The following OTUD7A variants were observed in gnomAD, a reference collection of about 807,000 sequenced individuals.
OTUD7A encodes the protein OTU deubiquitinase 7A.
A neutral mutation model predicts 65.7 loss-of-function variants in OTUD7A; 12 were observed. That is an observed-to-expected ratio of 0.18 (90% CI 0.12 to 0.30). The LOEUF (loss-of-function observed/expected upper bound fraction) is 0.30, where lower values mean the gene tolerates loss of function less well. Ranked by LOEUF, OTUD7A falls within the 10% of genes least tolerant of loss-of-function variation. The pLI is 1.00. For synonymous variants in OTUD7A, 641 were observed against 586.3 expected, an observed-to-expected ratio of 1.09 and a Z score of -1.35; for missense variants, 1,148 against 1,304.8, an observed-to-expected ratio of 0.88 and a Z score of 1.85.
At chr15:31,664,625 G>T (rs1486561985) in intron 1 of OTUD7A, among the ~76,000 whole-genome samples, 1 of 152,032 alleles carries the variant, frequency 6.6e-6, no homozygotes, top group Non-Finnish European at 1.5e-5. Flanking sequence ...TACTCTGCTG[G>T]CTGTTCCTTT....
At chr15:31,644,206 C>T (rs569762074) in intron 3 of OTUD7A, among the ~76,000 whole-genome samples, 1 of 152,272 alleles carries the variant, frequency 6.6e-6, no homozygotes, top group East Asian at 1.9e-4. Flanking sequence ...AACACCTCAC[C>T]TCCCCACTAG....
chr15:31,616,140 G>A (rs1212209561), intron 3 of OTUD7A, among the ~76,000 whole-genome samples: 1 of 152,240 alleles, frequency 6.6e-6, no homozygotes, highest in Non-Finnish European at 1.5e-5. Context: ...CACAACTCAT[G>A]CAGCACTCCA....
intron 1 of OTUD7A, among the ~76,000 whole-genome samples, chr15:31,718,439 C>A (rs566406934): frequency 6.6e-6 from 1 of 152,062 alleles, no homozygotes; most frequent in Admixed American, 6.5e-5. Context: ...TCTATTCATC[C>A]ATTTCTTTCT....
At chr15:31,787,705 T>C (rs868359396) in intron 1 of OTUD7A, 5 of 152,208 alleles carry the variant, frequency 3.3e-5, no homozygotes, top group South Asian at 2.1e-4. Flanking sequence ...ACCCTTTGAA[T>C]AAAAACAATA....
rs535580531 is a variant in OTUD7A, at chr15:31,804,676, T to C, written c.-100+65831A>G. Among the ~76,000 whole-genome samples, 5 of 152,306 alleles carry C rather than the reference T, an allele frequency of 3.3e-5. No homozygotes were observed. In the South Asian group the frequency reaches 1.0e-3, roughly 32 times the overall value. On this transcript the variant is annotated intron_variant, in intron 1 of 12. Coordinates refer to ENST00000307050, the MANE Select transcript of OTUD7A (RefSeq NM_001382637.1). ...CAGGGATGGCCAATCCCAGCCATGCTAGATGGAACCGAAGAAACTCTCCTT... is the reference window on the plus strand; with the variant it reads ...CAGGGATGGCCAATCCCAGCCATGCCAGATGGAACCGAAGAAACTCTCCTT...
At chr15:31,672,844 T>C (rs1892513614) in intron 1 of OTUD7A, among the ~76,000 whole-genome samples, 1 of 152,234 alleles carries the variant, frequency 6.6e-6, no homozygotes, top group Non-Finnish European at 1.5e-5. Context: ...GAAAAGTCTC[T>C]TTTAAAATTT....
intron 1 of OTUD7A, among the ~76,000 whole-genome samples, chr15:31,830,790 G>C (rs1896911566): frequency 6.6e-6 from 1 of 152,192 alleles, no homozygotes; most frequent in East Asian, 1.9e-4. Context: ...AATTTTCTTA[G>C]TCATCACCAT....
rs370836386 is a variant in OTUD7A at position 31,850,972 on chromosome 15, C to T, written c.-100+19535G>A. ...GCAGAACCAGACAACAGCTCCCACC[C>T]CACCAACACCACTACCACCAAGCTC... On this transcript the variant is annotated intron_variant, in intron 1 of 12. Transcript: ENST00000307050. 8.7e-4 allele frequency among the ~76,000 whole-genome samples: 133 copies of T among 152,244 alleles called. 1 individual carries two copies. Among genetic ancestry groups the T allele is most frequent in the African/African-American group, 3.1e-3 (128 of 41,532 alleles).
intron 1 of OTUD7A, among the ~76,000 whole-genome samples, chr15:31,755,327 G>A (rs1894780981): frequency 6.6e-6 from 1 of 152,158 alleles, no homozygotes; most frequent in African/African-American, 2.4e-5. Flanking sequence ...GAGCTAGAAT[G>A]CTACAGGGTG....
At chr15:31,584,675 G>C (rs748720240) in intron 3 of OTUD7A, among the ~76,000 whole-genome samples, 59 of 152,328 alleles carry the variant, frequency 3.9e-4, no homozygotes, top group Non-Finnish European at 7.8e-4. Context: ...AAGTACATAG[G>C]AACATGTCAC....
Position 31,570,123 on chromosome 15 carries a change from G to T in OTUD7A, c.226C>A (p.His76Asn), listed in dbSNP as rs373657363. 1.2e-5 allele frequency: 20 copies of T among 1,614,214 alleles called. No homozygotes were observed. The East Asian group carries it at 2.7e-4, about 22-fold the overall frequency. ...LRQVHTANLP[H>N]VFNEGRGPKQ... ...GGACCCCGCCCTTCATTGAACACAT[G>T]TGGCAGATTGGCTGTGTGCACCTGG... is the stretch of plus-strand genomic sequence containing the variant. The change falls in exon 4 of 13, where the codon CAT becomes AAT. Residue 76 changes from histidine (H) to asparagine (N), a missense_variant. By Grantham distance (68) the His-to-Asn change is moderately conservative (BLOSUM62 1). Coordinates refer to ENST00000307050, the MANE Select transcript of OTUD7A (RefSeq NM_001382637.1).
chr15:31,867,535 C>T (rs1897909301), intron 1 of OTUD7A, among the ~76,000 whole-genome samples: 1 of 152,140 alleles, frequency 6.6e-6, no homozygotes, highest in African/African-American at 2.4e-5. Context: ...GAAGTACTAC[C>T]ACACAGGGTC....
At chr15:31,811,921 G>T (rs992526216) in intron 1 of OTUD7A, among the ~76,000 whole-genome samples, 3 of 152,190 alleles carry the variant, frequency 2.0e-5, no homozygotes, top group African/African-American at 7.2e-5. Context: ...CACAGCGGGA[G>T]GGGTCAGCTT....
At chr15:31,659,925 C>A (rs1451234659) in intron 1 of OTUD7A, among the ~76,000 whole-genome samples, 2 of 152,248 alleles carry the variant, frequency 1.3e-5, no homozygotes, top group Non-Finnish European at 2.9e-5. Flanking sequence ...CCCCTGCAAC[C>A]CTGGAAAGGC....
chr15:31,634,217 C>T (rs1418080956), intron 3 of OTUD7A, among the ~76,000 whole-genome samples: 4 of 152,166 alleles, frequency 2.6e-5, no homozygotes, highest in Non-Finnish European at 5.9e-5. Flanking sequence ...GGAGCCCCGT[C>T]AGGGCAGGGC....
intron 3 of OTUD7A, among the ~76,000 whole-genome samples, chr15:31,576,850 T>C (rs1889217544): frequency 6.6e-6 from 1 of 152,170 alleles, no homozygotes; most frequent in East Asian, 1.9e-4. Context: ...ATGAACCCTC[T>C]CTGGGCCAAG....
intron 1 of OTUD7A, among the ~76,000 whole-genome samples, chr15:31,868,421 T>C (rs977540481): frequency 1.3e-5 from 2 of 152,184 alleles, no homozygotes; most frequent in Non-Finnish European, 2.9e-5. Context: ...TTTCACAGAC[T>C]CCATTTTCAA....
intron 4 of OTUD7A, among the ~76,000 whole-genome samples, chr15:31,561,183 C>A (rs1269039563): frequency 1.3e-5 from 2 of 152,160 alleles, no homozygotes; most frequent in Non-Finnish European, 2.9e-5. Context: ...TTAAACCACA[C>A]AGGACATTAG....
intron 1 of OTUD7A, among the ~76,000 whole-genome samples, chr15:31,866,306 C>CT (rs896327449): frequency 6.6e-6 from 1 of 152,242 alleles, no homozygotes; most frequent in African/African-American, 2.4e-5. Flanking sequence ...GCATGGCCCA[C>CT]TCCCTCCCAG....
Sources: gnomAD v4.1 joint callset for allele counts (sites outside exome capture counted in the v4.1 genomes callset) on GRCh38, gnomAD v4.1.1 for gene constraint, MANE v1.5 for transcripts, NCBI Gene and HGNC (gene_info 2026-07-23, HGNC 2026-07-21) for gene names.